SKAP1: variants seen among roughly 807,000 people sequenced by gnomAD.
The protein encoded by SKAP1 is src kinase-associated phosphoprotein 1.
SKAP1 carries 44 observed loss-of-function variants against 58.5 expected under a neutral mutation model. That is an observed-to-expected ratio of 0.75 (90% CI 0.59 to 0.97). The LOEUF (loss-of-function observed/expected upper bound fraction) is 0.97. Among genes scored for constraint, SKAP1 ranks in the 50% least tolerant of loss-of-function variants. The probability of loss-of-function intolerance (pLI) is 0.00; values close to 1 mark genes in which losing one functional copy is unlikely to be tolerated. For missense variants in SKAP1, 390 were observed against 435.2 expected, an observed-to-expected ratio of 0.90 and a Z score of 0.92; for synonymous variants, 127 against 149.7, an observed-to-expected ratio of 0.85 and a Z score of 1.11.
chr17:48,422,043 T>C (rs1843309984), intron 1 of SKAP1, among the ~76,000 whole-genome samples: 2 of 152,030 alleles, frequency 1.3e-5, no homozygotes. Flanking sequence ...AAACCCCATC[T>C]CTACTGAAAA....
At chr17:48,199,148 C>T (rs550401338) in intron 4 of SKAP1, among the ~76,000 whole-genome samples, 1 of 152,196 alleles carries the variant, frequency 6.6e-6, no homozygotes, top group African/African-American at 2.4e-5. Context: ...AGAGCCTTGC[C>T]TGGGTTTAGA....
At chr17:48,410,452 C>A (rs2067648229) in intron 1 of SKAP1, among the ~76,000 whole-genome samples, 1 of 152,098 alleles carries the variant, frequency 6.6e-6, no homozygotes. Context: ...GCACAAACAT[C>A]TTGATTTCTA....
chr17:48,229,552 C>T (rs1441229814), intron 4 of SKAP1, among the ~76,000 whole-genome samples: 1 of 152,024 alleles, frequency 6.6e-6, no homozygotes, highest in Non-Finnish European at 1.5e-5. Context: ...ACCCAGGAGG[C>T]AGAGGTTGCA....
chr17:48,168,810 CTCTA>C (rs903799806), intron 10 of SKAP1, among the ~76,000 whole-genome samples: 1 of 152,192 alleles, frequency 6.6e-6, no homozygotes. Context: ...TCCCCCAGAC[CTCTA>C]TCTTTTATTG....
intron 5 of SKAP1, 76 bp from the exon 6 acceptor site, chr17:48,188,002 A>G (rs1053181480): frequency 9.7e-7 from 1 of 1,027,318 alleles, no homozygotes; most frequent in African/African-American, 1.6e-5. Flanking sequence ...CCAACAACAT[A>G]CAGTCCAGTG....
intron 1 of SKAP1, among the ~76,000 whole-genome samples, chr17:48,413,514 C>CAAAAAAAAAAAAAAAAA (rs1222640261): frequency 4.0e-5 from 4 of 99,960 alleles, no homozygotes; most frequent in African/African-American, 2.0e-4. Flanking sequence ...AACTCCGTCT[C>CAAAAAAAAAAAAAAAAA]AAAAAAAAAA....
At position 48,420,495 on chromosome 17, in the gene SKAP1, A is replaced by G. The variant is rs370039980; in HGVS notation, c.46+9580T>C. The stretch of plus-strand genomic sequence containing the variant: ...AATATATGTATTTTTTACTTTAGAT[A>G]GGATAAAGAAAGAAAGTGACAATGA... On this transcript the variant is annotated intron_variant, in intron 1 of 12. Coordinates refer to ENST00000336915, the MANE Select transcript of SKAP1 (RefSeq NM_003726.4). Among the ~76,000 whole-genome samples the G allele has an allele frequency of 9.2e-5, 14 of 152,288 alleles. 1 individual carries two copies. Among genetic ancestry groups the G allele is most frequent in the East Asian group, 7.7e-4 (4 of 5,190 alleles).
At chr17:48,297,611 A>T (rs952059233) in intron 4 of SKAP1, among the ~76,000 whole-genome samples, 2 of 152,204 alleles carry the variant, frequency 1.3e-5, no homozygotes, top group Non-Finnish European at 2.9e-5. Flanking sequence ...TTAAAAATAT[A>T]TATGGTTCAG....
At chr17:48,400,123 G>T (rs2067479249) in intron 1 of SKAP1, among the ~76,000 whole-genome samples, 1 of 148,362 alleles carries the variant, frequency 6.7e-6, no homozygotes, top group African/African-American at 2.5e-5. Context: ...TTTTGAGACG[G>T]AGTCTCACTC....
At chr17:48,203,717 T>C (rs1183114525) in intron 4 of SKAP1, 1 of 152,110 alleles carries the variant, frequency 6.6e-6, no homozygotes, top group Non-Finnish European at 1.5e-5. Context: ...AGGCTGCACA[T>C]ATTGGATGGC....
intron 4 of SKAP1, among the ~76,000 whole-genome samples, chr17:48,243,430 G>A (rs557409133): frequency 1.3e-5 from 2 of 152,184 alleles, no homozygotes; most frequent in South Asian, 4.2e-4. Context: ...TGAGCTTTTT[G>A]CATGTGTAAT....
chr17:48,189,767 C>G (rs2064512987), intron 4 of SKAP1, among the ~76,000 whole-genome samples: 1 of 151,890 alleles, frequency 6.6e-6, no homozygotes, highest in Non-Finnish European at 1.5e-5. Context: ...CTCTGCCTCC[C>G]AGGTTCGAGC....
chr17:48,136,256 A>G (rs920861376), intron 12 of SKAP1, among the ~76,000 whole-genome samples: 4 of 149,460 alleles, frequency 2.7e-5, no homozygotes, highest in African/African-American at 4.9e-5. Flanking sequence ...ACTGCAACCT[A>G]TGCCTCCCGG....
At chr17:48,338,695 A>G (rs527398050) in intron 4 of SKAP1, among the ~76,000 whole-genome samples, 1 of 152,300 alleles carries the variant, frequency 6.6e-6, no homozygotes, top group Non-Finnish European at 1.5e-5. Context: ...ACACACACCA[A>G]CAGCCCAAAA....
intron 11 of SKAP1, among the ~76,000 whole-genome samples, chr17:48,159,859 A>G (rs1250595837): frequency 6.6e-6 from 1 of 152,226 alleles, no homozygotes; most frequent in Non-Finnish European, 1.5e-5. Context: ...TGCTCCCCAA[A>G]CCAATGTTAA....
rs189419316 is a variant in SKAP1 at position 48,232,347 on chromosome 17, T to C, written c.281-42847A>G. On this transcript the variant is annotated intron_variant, in intron 4 of 12. Transcript: ENST00000336915. The stretch of plus-strand genomic sequence containing the variant: ...CTTTGTAACTGCTGATTGATTTCTA[T>C]GAGTGCAAAGATACCACCAGGTGGG... 2.0e-5 allele frequency among the ~76,000 whole-genome samples: 3 copies of C among 152,350 alleles called. No homozygotes were observed. The East Asian group carries it at 5.8e-4, about 29-fold the overall frequency.
Position 48,184,828 on chromosome 17 carries a change from G to A in SKAP1, c.462C>T (p.Thr154=). Residue 154 remains threonine, a synonymous_variant, in exon 7 of 13, where the codon ACC becomes ACT. Transcript: ENST00000336915. ...GTACACCGTAGCCCTTAATGAGGAA[G>A]GTCCCTTTGGGCTGCTTGCCTGCAA... ...ANEKSKQPKG[T]FLIKGYGVRM... is the part of the protein sequence containing the mutation. 6.2e-7 allele frequency: 1 copy of A among 1,613,674 alleles called. No individual in the cohort carries two copies.
intron 11 of SKAP1, among the ~76,000 whole-genome samples, chr17:48,157,987 G>A (rs1008001350): frequency 5.3e-5 from 8 of 150,562 alleles, no homozygotes; most frequent in Non-Finnish European, 7.4e-5. Context: ...AGAACAGCCT[G>A]ACCAACATGG....
At chr17:48,231,635 T>C (rs755486627) in intron 4 of SKAP1, among the ~76,000 whole-genome samples, 2 of 151,980 alleles carry the variant, frequency 1.3e-5, no homozygotes, top group Non-Finnish European at 2.9e-5. Context: ...TAGGGAGTAG[T>C]GGGAGTACTA....
Sources: gnomAD v4.1 joint callset for allele counts (sites outside exome capture counted in the v4.1 genomes callset) on GRCh38, gnomAD v4.1.1 for gene constraint, MANE v1.5 for transcripts, NCBI Gene and HGNC (gene_info 2026-07-23, HGNC 2026-07-21) for gene names.